Variants in ASIC4 observed in about 807,000 individuals in gnomAD.
ASIC4 encodes acid-sensing ion channel 4.
Under a neutral mutation model 53.4 loss-of-function variants are expected in ASIC4, and 28 were observed. The observed-to-expected ratio is 0.52, with a 90% CI of 0.39 to 0.72. ASIC4 has a LOEUF of 0.72. Ranked by LOEUF, ASIC4 falls within the 30% of genes least tolerant of loss-of-function variation. The probability of loss-of-function intolerance (pLI) is 0.00; values close to 1 mark genes in which losing one functional copy is unlikely to be tolerated. For missense variants in ASIC4, 649 were observed against 729.7 expected, an observed-to-expected ratio of 0.89 and a Z score of 1.27; for synonymous variants, 289 against 301.4, an observed-to-expected ratio of 0.96 and a Z score of 0.43.
At chr2:219,532,169 C>T (rs777615707) in intron 3 of ASIC4, 41 bp downstream of exon 3, 77 of 1,611,550 alleles carry the variant, frequency 4.8e-5, no homozygotes, top group Non-Finnish European at 5.8e-5. Context: ...GCACAGGGCT[C>T]GCCTTTGGGC....
At position 219,514,510 on chromosome 2, in the gene ASIC4, A is replaced by AGCG. The variant is rs1223705072; in HGVS notation, c.-213_-212insGGC. ...GAGAGAGACAAGCGGCAGCAGAGGC[A>AGCG]GCAGCGGCAGAGGCAGCACCAGGGC... On this transcript the variant is annotated 5_prime_UTR_variant, in exon 1 of 10. Coordinates refer to ENST00000358078, the MANE Select transcript of ASIC4 (RefSeq NM_018674.6). The AGCG allele has an allele frequency of 6.4e-7, 1 of 1,550,916 alleles. No homozygotes were observed. Among genetic ancestry groups the AGCG allele is most frequent in the South Asian group, 1.2e-5 (1 of 84,066 alleles).
intron 1 of ASIC4, among the ~76,000 whole-genome samples, chr2:219,526,896 CCAAAGGAGGA>C (rs1186069786): frequency 3.3e-5 from 5 of 152,146 alleles, no homozygotes; most frequent in Admixed American, 6.5e-5. Flanking sequence ...GAGGGCCAGA[CCAAAGGAGGA>C]CATGGGGGTC....
upstream of ASIC4, among the ~76,000 whole-genome samples, chr2:219,510,923 C>A (rs998256213): frequency 3.3e-5 from 5 of 152,088 alleles, no homozygotes; most frequent in African/African-American, 1.2e-4. The surrounding 1 kb of genome is among the most constrained non-coding windows in gnomAD (Gnocchi z 5.2). Flanking sequence ...AGCCGCCGTC[C>A]GCCCCCCGCC....
chr2:219,522,763 T>G (rs964828900), intron 1 of ASIC4, among the ~76,000 whole-genome samples: 1 of 151,810 alleles, frequency 6.6e-6, no homozygotes, highest in African/African-American at 2.4e-5. Flanking sequence ...CGGGCGGCGG[T>G]GTTTCCCTCC....
In ASIC4 at chr2:219,515,270, C is replaced by T. The variant is rs2125652664; in HGVS notation, c.546C>T (p.Phe182=). Residue 182 remains phenylalanine, a synonymous_variant, in exon 1 of 10, where the codon TTC becomes TTT. Transcript: ENST00000358078. ...QLADMLKSCN[F]SGHHCSASNF... Reference sequence around the variant, plus strand: ...CCGACATGCTTAAGAGCTGCAACTTCAGTGGGCATCACTGCTCCGCCAGCA... The same window carrying T: ...CCGACATGCTTAAGAGCTGCAACTTTAGTGGGCATCACTGCTCCGCCAGCA... 1 of 1,613,724 alleles carries T rather than the reference C, an allele frequency of 6.2e-7. No individual in the cohort carries two copies. The highest frequency in any genetic ancestry group is 2.2e-5 in the East Asian group (1 of 44,880).
intron 1 of ASIC4, among the ~76,000 whole-genome samples, chr2:219,519,024 C>A (rs1226188823): frequency 6.6e-6 from 1 of 152,190 alleles, no homozygotes; most frequent in African/African-American, 2.4e-5. Context: ...CTTGCCTCAG[C>A]CTCCTGAGTA....
intron 1 of ASIC4, among the ~76,000 whole-genome samples, chr2:219,521,145 GT>G (rs1312390321): frequency 6.6e-6 from 1 of 152,192 alleles, no homozygotes; most frequent in Non-Finnish European, 1.5e-5. Flanking sequence ...GGGGATGTAA[GT>G]GGTGTGGCCT....
At chr2:219,513,990 G>A (rs911916451), upstream of ASIC4, among the ~76,000 whole-genome samples, 7 of 152,186 alleles carry the variant, frequency 4.6e-5, no homozygotes, top group Non-Finnish European at 1.0e-4. Context: ...GCTGTGAGTC[G>A]GGTAGTGGGA....
chr2:219,533,719 C>G (rs956570358), intron 5 of ASIC4: 3 of 152,784 alleles, frequency 2.0e-5, no homozygotes, highest in African/African-American at 7.3e-5. Context: ...GGGCAGAGAA[C>G]AGGGGAGGGA....
rs1694785805 is a variant in ASIC4 at position 219,516,176 on chromosome 2, C to T, written c.582+870C>T. ...ACACTCACATGCACACCTGCACACC[C>T]ACACCCAGAGAGCTACTCATCTCCA... On this transcript the variant is annotated intron_variant, in intron 1 of 9. Coordinates refer to ENST00000358078, the MANE Select transcript of ASIC4 (RefSeq NM_018674.6). This position sits in a 1 kb window ranked among gnomAD's most constrained non-coding sequence, Gnocchi z 4.9. Among the ~76,000 whole-genome samples the T allele has an allele frequency of 6.6e-6, 1 of 152,204 alleles. No homozygotes were observed. Among genetic ancestry groups the T allele is most frequent in the African/African-American group, 2.4e-5 (1 of 41,452 alleles).
At chr2:219,522,653 G>T (rs1476312794) in intron 1 of ASIC4, among the ~76,000 whole-genome samples, 1 of 151,836 alleles carries the variant, frequency 6.6e-6, no homozygotes, top group Non-Finnish European at 1.5e-5. Flanking sequence ...CCCCGGCCCC[G>T]GGCCTTTTGG....
At chr2:219,532,249 G>A (rs1335302630) in intron 3 of ASIC4, 66 bp from the exon 4 acceptor site, 2 of 1,597,228 alleles carry the variant, frequency 1.3e-6, no homozygotes, top group Non-Finnish European at 8.6e-7. Context: ...ACTTTGCTGG[G>A]GCTGTGGGCA....
At chr2:219,508,712 T>C in the ASIC4 span, among the ~76,000 whole-genome samples, 4 of 150,016 alleles carry the variant, frequency 2.7e-5, no homozygotes, top group Non-Finnish European at 5.9e-5. Context: ...GCTGGGACCC[T>C]GTGCCCAACC....
chr2:219,526,694 G>C (rs1372348164), intron 1 of ASIC4, among the ~76,000 whole-genome samples: 1 of 152,162 alleles, frequency 6.6e-6, no homozygotes, highest in Non-Finnish European at 1.5e-5. Flanking sequence ...CAACACTAAA[G>C]GGGAGGTGAT....
At chr2:219,513,039 C>A (rs1273511657), upstream of ASIC4, among the ~76,000 whole-genome samples, 3 of 152,196 alleles carry the variant, frequency 2.0e-5, no homozygotes, top group African/African-American at 4.8e-5. Flanking sequence ...AGGCCTGACG[C>A]AGGGGGCGGG....
At position 219,537,465 on chromosome 2, in the gene ASIC4, C is replaced by G. The variant is rs531382145; in HGVS notation, c.1401+144C>G. On this transcript the variant is annotated intron_variant, in intron 8 of 9. Coordinates refer to ENST00000358078, the MANE Select transcript of ASIC4 (RefSeq NM_018674.6). This position sits in a 1 kb window ranked among gnomAD's most constrained non-coding sequence, Gnocchi z 4.9. ...AGGGTCCCCTGACTGGCTGGCAGGCCTGAGGGCTCAGAGTCAGGAGAAGGG... is the reference window on the plus strand; with the variant it reads ...AGGGTCCCCTGACTGGCTGGCAGGCGTGAGGGCTCAGAGTCAGGAGAAGGG... 52 of 1,141,454 alleles carry G rather than the reference C, an allele frequency of 4.6e-5. 1 individual carries two copies. In the African/African-American group the frequency reaches 7.1e-4, roughly 16 times the overall value. 70.7% of individuals were successfully genotyped at this position (1,141,454 alleles called of 1,614,324 possible).
chr2:219,529,175 G>A (rs748618655), intron 1 of ASIC4, among the ~76,000 whole-genome samples: 5 of 152,194 alleles, frequency 3.3e-5, no homozygotes, highest in Non-Finnish European at 7.3e-5. Context: ...CACCTCACAG[G>A]GTAGTTGTGA....
At chr2:219,521,265 C>T (rs1272008562) in intron 1 of ASIC4, among the ~76,000 whole-genome samples, 1 of 152,236 alleles carries the variant, frequency 6.6e-6, no homozygotes, top group Non-Finnish European at 1.5e-5. Flanking sequence ...GCCCCGTGGC[C>T]TCTTCATTAA....
intron 1 of ASIC4, among the ~76,000 whole-genome samples, chr2:219,531,342 G>A (rs2125666562): frequency 6.6e-6 from 1 of 152,226 alleles, no homozygotes; most frequent in Non-Finnish European, 1.5e-5. Context: ...CACCAGCCTG[G>A]GCAACAGAGC....
Sources: allele counts gnomAD v4.1 joint callset (sites outside exome capture counted in the v4.1 genomes callset), GRCh38; gene constraint gnomAD v4.1.1; non-coding constraint Gnocchi (gnomAD v3.1); transcripts MANE v1.5; gene names NCBI Gene and HGNC (gene_info 2026-07-23, HGNC 2026-07-21).